Variants in ZNF638 observed in about 807,000 individuals in gnomAD.
ZNF638 encodes the protein CTCL tumor antigen se33-1.
In ZNF638, 46 loss-of-function variants were observed where a neutral mutation model predicts 195.6. The observed-to-expected ratio is 0.24, with a 90% CI of 0.19 to 0.30. ZNF638 has a LOEUF of 0.30. Among genes scored for constraint, ZNF638 ranks in the 10% least tolerant of loss-of-function variants. ZNF638 has a pLI of 1.00. For synonymous variants in ZNF638, 845 were observed against 772.0 expected, an observed-to-expected ratio of 1.09 and a Z score of -1.57; for missense variants, 2,440 against 2,325.3, an observed-to-expected ratio of 1.05 and a Z score of -1.01.
chr2:71,383,832 A>T (rs10165298), intron 10 of ZNF638, among the ~76,000 whole-genome samples: 3 of 141,182 alleles, frequency 2.1e-5, no homozygotes, highest in Non-Finnish European at 4.5e-5. Context: ...AAACTCCTAA[A>T]CTTAAGTGAT....
At chr2:71,346,801 CTTGAGATCAGGAGT>C (rs1376811125) in intron 1 of ZNF638, among the ~76,000 whole-genome samples, 4 of 152,088 alleles carry the variant, frequency 2.6e-5, no homozygotes, top group Non-Finnish European at 5.9e-5. Context: ...AAGTGGATCA[CTTGAGATCAGGAGT>C]TTGAGACCAG....
At chr2:71,431,634 C>T (rs2080664488) in intron 26 of ZNF638, among the ~76,000 whole-genome samples, 1 of 152,202 alleles carries the variant, frequency 6.6e-6, no homozygotes, top group East Asian at 1.9e-4. Context: ...GTGGCGGGCG[C>T]CTGTAGTCCA....
chr2:71,344,043 T>C (rs1220753241), intron 1 of ZNF638, among the ~76,000 whole-genome samples: 1 of 152,160 alleles, frequency 6.6e-6, no homozygotes, highest in African/African-American at 2.4e-5. Context: ...GACAGGAGAA[T>C]TGCTTGAACC....
chr2:71,348,882 G>C lies in ZNF638; in HGVS notation c.-73G>C, dbSNP rs1156582698. The stretch of plus-strand genomic sequence containing the variant: ...TTAAGACTCAGTTGGCGCTTCAGCA[G>C]CTGAATGCCGTTGCCTCACATGGTT... On this transcript the variant is annotated 5_prime_UTR_variant, in exon 2 of 28. Coordinates refer to ENST00000264447, the MANE Select transcript of ZNF638 (RefSeq NM_014497.5). 14 of 1,613,622 alleles carry C rather than the reference G, an allele frequency of 8.7e-6. No homozygotes were observed. Among genetic ancestry groups the C allele is most frequent in the Non-Finnish European group, 1.1e-5 (13 of 1,179,980 alleles).
At chr2:71,378,798 C>T (rs1227951268) in intron 8 of ZNF638, among the ~76,000 whole-genome samples, 3 of 152,128 alleles carry the variant, frequency 2.0e-5, no homozygotes, top group Admixed American at 6.6e-5. Context: ...GAACAAACCA[C>T]GTCCTGGATT....
At chr2:71,376,853 C>T (rs1203187192) in intron 8 of ZNF638, among the ~76,000 whole-genome samples, 1 of 152,176 alleles carries the variant, frequency 6.6e-6, no homozygotes, top group African/African-American at 2.4e-5. Context: ...GACATCCATT[C>T]TTAGCAGTGA....
At chr2:71,352,864 A>G (rs1359178548) in intron 2 of ZNF638, among the ~76,000 whole-genome samples, 1 of 152,158 alleles carries the variant, frequency 6.6e-6, no homozygotes, top group African/African-American at 2.4e-5. Flanking sequence ...TAAAAGTAAA[A>G]ATTTGAGAGG....
At position 71,434,765 on chromosome 2, in the gene ZNF638, G is replaced by A. The variant is rs1268152924; in HGVS notation, c.5895G>A (p.Lys1965=). 2.5e-6 allele frequency: 4 copies of A among 1,612,194 alleles called. No individual in the cohort carries two copies. Among genetic ancestry groups the A allele is most frequent in the Non-Finnish European group, 2.5e-6 (3 of 1,179,426 alleles). Residue 1965 remains lysine (K), a synonymous_variant, in exon 28 of 28, where the codon AAG becomes AAA. Transcript: ENST00000264447. ...AGAAATTCATGGCCAAGCAAAGAAAGGAAAAGGAGCAGAATGAGGCTGAAG... is the reference window on the plus strand; with the variant it reads ...AGAAATTCATGGCCAAGCAAAGAAAAGAAAAGGAGCAGAATGAGGCTGAAG... ...NTEKFMAKQR[K]EKEQNEAEER...
At chr2:71,405,999 T>C (rs1038683556) in intron 18 of ZNF638, 129 bp from the exon 19 acceptor site, 3 of 1,038,078 alleles carry the variant, frequency 2.9e-6, no homozygotes, top group Admixed American at 2.3e-5. Flanking sequence ...TCTTCCCCCA[T>C]GTAGTCATTT....
rs58583336 is a variant in ZNF638, at chr2:71,419,974, C to CTTTTTTTT, written c.3299+1357_3299+1364dup. Among the ~76,000 whole-genome samples the CTTTTTTTT allele has an allele frequency of 1.7e-3, 47 of 27,034 alleles. 2 individuals are homozygous for CTTTTTTTT. The highest frequency in any genetic ancestry group is 0.014 in the East Asian group (3 of 222). The allele number at this position is 27,034 out of a possible 152,430, so 17.7% of individuals were successfully genotyped here. On this transcript the variant is annotated intron_variant, in intron 21 of 27. Coordinates refer to ENST00000264447, the MANE Select transcript of ZNF638 (RefSeq NM_014497.5). Reference sequence around the variant, plus strand: ...CTTCTTAATTCCCACCCCCCCCCGCCTTTTTTTTTTTTTTTTTTTTTTTTT... The same window carrying CTTTTTTTT: ...CTTCTTAATTCCCACCCCCCCCCGCCTTTTTTTTTTTTTTTTTTTTTTTTTTTTTTTTT...
At chr2:71,354,334 C>T (rs1350191089) in intron 2 of ZNF638, among the ~76,000 whole-genome samples, 1 of 117,088 alleles carries the variant, frequency 8.5e-6, no homozygotes, top group Non-Finnish European at 1.7e-5. Flanking sequence ...TCTTTGTAAA[C>T]TGTATTGGCT....
chr2:71,425,668 T>C (rs1255955600), intron 23 of ZNF638, among the ~76,000 whole-genome samples: 4 of 151,902 alleles, frequency 2.6e-5, no homozygotes, highest in Admixed American at 6.6e-5. Context: ...TATATTTCTT[T>C]TATTATTATT....
At chr2:71,427,548 C>G (rs2080564223) in intron 24 of ZNF638, 134 bp downstream of exon 24, 2 of 592,906 alleles carry the variant, frequency 3.4e-6, no homozygotes, top group Non-Finnish European at 5.2e-6. Flanking sequence ...CAGTTAAAGT[C>G]AACAATAAAT....
At chr2:71,373,654 G>A (rs966625895) in intron 8 of ZNF638, among the ~76,000 whole-genome samples, 1 of 151,606 alleles carries the variant, frequency 6.6e-6, no homozygotes, top group Non-Finnish European at 1.5e-5. Flanking sequence ...TCCTGACCTC[G>A]TGATCCGTCC....
chr2:71,349,480 G>A lies in ZNF638; in HGVS notation c.526G>A (p.Asp176Asn), dbSNP rs1413603404. Reference protein sequence around the residue: ...TPENMPLILRDIRMRKMGRRL... With the variant: ...TPENMPLILRNIRMRKMGRRL... The stretch of plus-strand genomic sequence containing the variant: ...TGAAAATATGCCATTAATTTTGAGG[G>A]ATATAAGAATGCGAAAAATGGGGCG... The change falls in exon 2 of 28, where the codon GAT becomes AAT. Residue 176 changes from aspartate to asparagine, a missense_variant. Physicochemically the swap from Asp to Asn is conservative, Grantham distance 23 (BLOSUM62 1). Transcript: ENST00000264447. The A allele has an allele frequency of 6.2e-7, 1 of 1,613,972 alleles. No homozygotes were observed. The highest frequency in any genetic ancestry group is 1.3e-5 in the African/African-American group (1 of 74,904).
At position 71,417,323 on chromosome 2, in the gene ZNF638, C is replaced by T. The variant is rs543339127; in HGVS notation, c.3262-1279C>T. Reference sequence around the variant, plus strand: ...GCTTCCCAGGTGAGGCAATGCCTCGCCCTGCTTCGGCTCGCGCACGGTGCG... The same window carrying T: ...GCTTCCCAGGTGAGGCAATGCCTCGTCCTGCTTCGGCTCGCGCACGGTGCG... On this transcript the variant is annotated intron_variant, in intron 20 of 27. Transcript: ENST00000264447. 3.1e-3 allele frequency among the ~76,000 whole-genome samples: 472 copies of T among 150,456 alleles called. 1 individual carries two copies. The highest frequency in any genetic ancestry group is 0.01 in the African/African-American group (428 of 41,148).
intron 20 of ZNF638, among the ~76,000 whole-genome samples, chr2:71,410,630 A>G (rs922857907): frequency 6.6e-6 from 1 of 152,166 alleles, no homozygotes; most frequent in Non-Finnish European, 1.5e-5. Context: ...AGTGGAGGAG[A>G]TAGACTATAA....
At chr2:71,385,643 G>T (rs145177767) in intron 10 of ZNF638, among the ~76,000 whole-genome samples, 1 of 152,160 alleles carries the variant, frequency 6.6e-6, no homozygotes, top group African/African-American at 2.4e-5. Context: ...CATGTAAAAT[G>T]AGTGAAATCT....
At chr2:71,340,270 G>A (rs1329747452) in intron 1 of ZNF638, among the ~76,000 whole-genome samples, 18 of 152,088 alleles carry the variant, frequency 1.2e-4, no homozygotes, top group Non-Finnish European at 2.9e-5. Flanking sequence ...GCATTTTAAC[G>A]TGAAACATGG....
Sources: allele counts gnomAD v4.1 joint callset (sites outside exome capture counted in the v4.1 genomes callset), GRCh38; gene constraint gnomAD v4.1.1; transcripts MANE v1.5; gene names NCBI Gene and HGNC (gene_info 2026-07-23, HGNC 2026-07-21).